The following TRHR variants were observed in gnomAD, a reference collection of about 807,000 sequenced individuals.
The protein encoded by TRHR is thyrotropin-releasing hormone receptor.
In TRHR, 14 loss-of-function variants were observed where a neutral mutation model predicts 28.0. The ratio of observed to expected loss-of-function variants is 0.50; its 90% CI spans 0.33 to 0.78. The LOEUF is 0.78. TRHR is among the 30% of genes least tolerant of loss of function. TRHR has a pLI of 0.02. For synonymous variants in TRHR, 176 were observed against 171.9 expected (o/e 1.02, Z -0.18); for missense variants, 438 against 469.5 (o/e 0.93, Z 0.62).
At position 109,121,214 on chromosome 8, in the gene TRHR, T is replaced by G. The variant is rs567346335; in HGVS notation, c.*1759T>G. On this transcript the variant is annotated 3_prime_UTR_variant, in exon 3 of 3. Coordinates refer to ENST00000518632, the MANE Select transcript of TRHR (RefSeq NM_003301.7). ...ACCCTACCTGCATGACAGTAAGCAATCTATGTTAACTGACTTTTCATTCTG... is the reference window on the plus strand; with the variant it reads ...ACCCTACCTGCATGACAGTAAGCAAGCTATGTTAACTGACTTTTCATTCTG... 6.6e-6 allele frequency among the ~76,000 whole-genome samples: 1 copy of G among 151,526 alleles called. No homozygotes were observed.
intron 2 of TRHR, among the ~76,000 whole-genome samples, chr8:109,101,597 C>G (rs955346328): frequency 6.6e-6 from 1 of 150,442 alleles, no homozygotes; most frequent in African/African-American, 2.4e-5. Flanking sequence ...ATGTTAGCTA[C>G]TGTTATTATT....
In TRHR at chr8:109,087,522, G is replaced by C; in HGVS notation, c.10G>C (p.Glu4Gln). Residue 4 changes from glutamate to glutamine, a missense_variant, in exon 2 of 3, where the codon GAG becomes CAG. Glu to Gln is a conservative substitution (Grantham distance 29). Coordinates refer to ENST00000518632, the MANE Select transcript of TRHR (RefSeq NM_003301.7). MEN[E>Q]TVSELNQTQL... Reference sequence around the variant, plus strand: ...CTTTAAGCTTCTAAAGATGGAAAACGAGACAGTCAGTGAACTGAACCAAAC... The same window carrying C: ...CTTTAAGCTTCTAAAGATGGAAAACCAGACAGTCAGTGAACTGAACCAAAC... 1 of 1,614,178 alleles carries C rather than the reference G, an allele frequency of 6.2e-7. No individual in the cohort carries two copies. The highest frequency in any genetic ancestry group is 8.5e-7 in the Non-Finnish European group (1 of 1,180,032).
At chr8:109,117,745 T>A (rs570145995) in intron 2 of TRHR, among the ~76,000 whole-genome samples, 8 of 151,950 alleles carry the variant, frequency 5.3e-5, no homozygotes, top group Non-Finnish European at 7.4e-5. Context: ...TTATATATAT[T>A]TTTTAAAGTC....
In TRHR at chr8:109,120,443, C is replaced by G. The variant is rs1464962227; in HGVS notation, c.*988C>G. 1.3e-5 allele frequency among the ~76,000 whole-genome samples: 2 copies of G among 151,742 alleles called. No individual in the cohort carries two copies. Among genetic ancestry groups the G allele is most frequent in the African/African-American group, 2.4e-5 (1 of 41,352 alleles). Reference sequence around the variant, plus strand: ...TAAAAGCTTTGTTGTTATTCTAAGTCAGCCAAAATCCTGGTATCCCTCTTC... The same window carrying G: ...TAAAAGCTTTGTTGTTATTCTAAGTGAGCCAAAATCCTGGTATCCCTCTTC... On this transcript the variant is annotated 3_prime_UTR_variant, in exon 3 of 3. Coordinates refer to ENST00000518632, the MANE Select transcript of TRHR (RefSeq NM_003301.7).
chr8:109,102,285 A>G (rs966437089), intron 2 of TRHR, among the ~76,000 whole-genome samples: 13 of 152,080 alleles, frequency 8.5e-5, no homozygotes, highest in Non-Finnish European at 8.8e-5. Flanking sequence ...TTAAATTTTG[A>G]TGGGAAAGAG....
intron 2 of TRHR, among the ~76,000 whole-genome samples, chr8:109,116,188 G>T (rs1811918485): frequency 6.6e-6 from 1 of 152,164 alleles, no homozygotes; most frequent in Admixed American, 6.5e-5. Context: ...TTGATGTGCT[G>T]CTGGATTCGG....
intron 2 of TRHR, among the ~76,000 whole-genome samples, chr8:109,102,396 CCTT>C (rs1811691118): frequency 6.6e-6 from 1 of 152,104 alleles, no homozygotes; most frequent in African/African-American, 2.4e-5. Flanking sequence ...TAGGGCTCAT[CCTT>C]CTTTTTCTTG....
chr8:109,101,713 G>A (rs944462069), intron 2 of TRHR, among the ~76,000 whole-genome samples: 13 of 152,244 alleles, frequency 8.5e-5, no homozygotes, highest in South Asian at 4.1e-4. Flanking sequence ...TACTTGAAGC[G>A]TCTATAAAAT....
At chr8:109,104,109 G>T (rs2129908141) in intron 2 of TRHR, among the ~76,000 whole-genome samples, 1 of 152,194 alleles carries the variant, frequency 6.6e-6, no homozygotes. Context: ...CTAAATATAA[G>T]CCCACTGCCA....
chr8:109,118,928 G>T, intron 2 of TRHR, 120 bp from the exon 3 acceptor site: 1 of 1,235,274 alleles, frequency 8.1e-7, no homozygotes. Context: ...TAAATGACCT[G>T]CACCTAACTC....
chr8:109,104,539 G>T (rs1811722839), intron 2 of TRHR, among the ~76,000 whole-genome samples: 1 of 152,012 alleles, frequency 6.6e-6, no homozygotes, highest in Admixed American at 6.6e-5. Context: ...TCATTATGAA[G>T]ATTTGAATGT....
intron 2 of TRHR, 64 bp downstream of exon 2, chr8:109,088,365 A>G (rs1811474058): frequency 1.3e-6 from 2 of 1,568,020 alleles, no homozygotes; most frequent in South Asian, 2.3e-5. Context: ...TGGAGATGGG[A>G]AACAACTTTT....
chr8:109,103,453 C>T (rs921194101), intron 2 of TRHR, among the ~76,000 whole-genome samples: 1 of 152,140 alleles, frequency 6.6e-6, no homozygotes, highest in African/African-American at 2.4e-5. Context: ...GGTACGAATG[C>T]TCTTAATAAA....
At chr8:109,109,625 C>A (rs1032560359) in intron 2 of TRHR, among the ~76,000 whole-genome samples, 1 of 152,118 alleles carries the variant, frequency 6.6e-6, no homozygotes, top group African/African-American at 2.4e-5. Context: ...GTTCAGAAAG[C>A]ACTGCATAGT....
chr8:109,116,293 G>A (rs1218789142), intron 2 of TRHR, among the ~76,000 whole-genome samples: 5 of 152,074 alleles, frequency 3.3e-5, no homozygotes, highest in Admixed American at 6.6e-5. Context: ...CCAGGCTTTG[G>A]TATCAGGATG....
chr8:109,093,093 C>T (rs1264616683), intron 2 of TRHR, among the ~76,000 whole-genome samples: 1 of 152,064 alleles, frequency 6.6e-6, no homozygotes, highest in Non-Finnish European at 1.5e-5. Flanking sequence ...TTCTCTGAGC[C>T]TCAGTTTTCT....
chr8:109,104,182 C>G (rs1321744545), intron 2 of TRHR, among the ~76,000 whole-genome samples: 2 of 152,204 alleles, frequency 1.3e-5, no homozygotes, highest in East Asian at 3.9e-4. Flanking sequence ...TCTACATATT[C>G]AGTAATATCA....
At chr8:109,094,495 T>A (rs1253713870) in intron 2 of TRHR, among the ~76,000 whole-genome samples, 1 of 152,058 alleles carries the variant, frequency 6.6e-6, no homozygotes, top group Admixed American at 6.6e-5. Context: ...TATCTCTAAG[T>A]TCAGGAGAAA....
chr8:109,103,226 A>G (rs1811703643), intron 2 of TRHR, among the ~76,000 whole-genome samples: 1 of 152,160 alleles, frequency 6.6e-6, no homozygotes, highest in African/African-American at 2.4e-5. Flanking sequence ...TCTTTCCTTT[A>G]TCAGCATTCC....
Sources: allele counts gnomAD v4.1 joint callset (sites outside exome capture counted in the v4.1 genomes callset), GRCh38; gene constraint gnomAD v4.1.1; transcripts MANE v1.5; gene names NCBI Gene and HGNC (gene_info 2026-07-23, HGNC 2026-07-21).